The following CNTNAP2 variants were observed in gnomAD, a reference collection of about 807,000 sequenced individuals.
CNTNAP2 encodes contactin-associated protein-like 2.
A neutral mutation model predicts 155.2 loss-of-function variants in CNTNAP2; 98 were observed. The observed-to-expected ratio is 0.63, with a 90% CI of 0.54 to 0.75. The LOEUF (loss-of-function observed/expected upper bound fraction) is 0.75. CNTNAP2 is among the 30% of genes least tolerant of loss of function. The probability of loss-of-function intolerance (pLI) is 0.00; values close to 1 mark genes in which losing one functional copy is unlikely to be tolerated. For missense variants in CNTNAP2, 1,727 were observed against 1,688.1 expected (o/e 1.02, Z -0.40); for synonymous variants, 651 against 631.2 (o/e 1.03, Z -0.47).
chr7:148,293,391 C>T (rs1027366122), intron 21 of CNTNAP2, among the ~76,000 whole-genome samples: 30 of 152,198 alleles, frequency 2.0e-4, no homozygotes, highest in African/African-American at 6.5e-4. Flanking sequence ...GGCTTGTTTT[C>T]GGATTAATGG....
intron 8 of CNTNAP2, among the ~76,000 whole-genome samples, chr7:147,165,956 T>C (rs1433987274): frequency 6.6e-6 from 1 of 152,178 alleles, no homozygotes; most frequent in Non-Finnish European, 1.5e-5. Context: ...ACAACCACTA[T>C]GGAAAACAGT....
chr7:148,061,337 T>G (rs79405806), intron 15 of CNTNAP2, among the ~76,000 whole-genome samples: 6,138 of 152,198 alleles, frequency 0.04, 156 homozygotes, highest in Non-Finnish European at 0.056. Context: ...AATTCCAAAG[T>G]GCCCACTTTT....
chr7:146,675,592 C>A (rs1800384687), intron 1 of CNTNAP2, among the ~76,000 whole-genome samples: 2 of 152,130 alleles, frequency 1.3e-5, no homozygotes, highest in South Asian at 4.1e-4. Flanking sequence ...TAAGTGAATG[C>A]CATGTAGTAC....
intron 1 of CNTNAP2, among the ~76,000 whole-genome samples, chr7:146,729,227 G>C (rs1801483543): frequency 6.6e-6 from 1 of 152,118 alleles, no homozygotes; most frequent in East Asian, 1.9e-4. Flanking sequence ...CCAGGGAGTA[G>C]CTTAAAACAG....
intron 1 of CNTNAP2, among the ~76,000 whole-genome samples, chr7:146,437,195 A>G (rs1272374113): frequency 6.6e-6 from 1 of 151,412 alleles, no homozygotes; most frequent in Non-Finnish European, 1.5e-5. Context: ...CTAATGCCTG[A>G]TGATCTTGGG....
At chr7:147,632,297 C>T (rs28832091) in intron 12 of CNTNAP2, among the ~76,000 whole-genome samples, 4,183 of 152,104 alleles carry the variant, frequency 0.028, 191 homozygotes, top group African/African-American at 0.095. Flanking sequence ...TATGGTGGTT[C>T]GGTTGTGTCC....
chr7:146,249,894 A>G (rs1441875617), intron 1 of CNTNAP2, among the ~76,000 whole-genome samples: 1 of 152,038 alleles, frequency 6.6e-6, no homozygotes. Flanking sequence ...TGAAAAAAAG[A>G]AAAAAAGAAA....
intron 21 of CNTNAP2, among the ~76,000 whole-genome samples, chr7:148,274,189 C>G (rs916583528): frequency 2.0e-5 from 3 of 151,964 alleles, no homozygotes; most frequent in Non-Finnish European, 4.4e-5. Flanking sequence ...AGCCTGGGTC[C>G]CTCTGTGACT....
Position 147,638,060 on chromosome 7 carries a change from A to AT in CNTNAP2, c.1898-1041dup, listed in dbSNP as rs1795210276. Among the ~76,000 whole-genome samples the AT allele has an allele frequency of 2.6e-5, 4 of 152,320 alleles. No homozygotes were observed. The Middle Eastern group carries it at 0.01, about 389-fold the overall frequency. ...TACCTAGCATCTTCCAAAATTAAAC[A>AT]TTTTTAACAATTTTAATAAAATTAA... On this transcript the variant is annotated intron_variant, in intron 12 of 23. Coordinates refer to ENST00000361727, the MANE Select transcript of CNTNAP2 (RefSeq NM_014141.6).
intron 8 of CNTNAP2, among the ~76,000 whole-genome samples, chr7:147,245,380 T>C (rs1299173969): frequency 6.6e-6 from 1 of 152,050 alleles, no homozygotes; most frequent in Admixed American, 6.6e-5. Flanking sequence ...CTCTGTGGGG[T>C]AGCAAATAAG....
intron 3 of CNTNAP2, among the ~76,000 whole-genome samples, chr7:146,861,304 C>T (rs534416272): frequency 5.9e-5 from 9 of 152,158 alleles, no homozygotes; most frequent in Admixed American, 2.6e-4. Context: ...CCACCTGCCT[C>T]GGCCTCCCAA....
chr7:146,378,248 G>A (rs1320746561), intron 1 of CNTNAP2, among the ~76,000 whole-genome samples: 1 of 152,154 alleles, frequency 6.6e-6, no homozygotes, highest in East Asian at 1.9e-4. Flanking sequence ...TTGGTTGTGA[G>A]ATTACAAATG....
intron 12 of CNTNAP2, among the ~76,000 whole-genome samples, chr7:147,620,949 G>T (rs1183896244): frequency 6.6e-6 from 1 of 152,048 alleles, no homozygotes; most frequent in Non-Finnish European, 1.5e-5. Context: ...AACTCCAAAA[G>T]GTCAAGGATA....
chr7:148,323,736 C>A (rs1797840522), intron 21 of CNTNAP2, among the ~76,000 whole-genome samples: 1 of 152,090 alleles, frequency 6.6e-6, no homozygotes, highest in African/African-American at 2.4e-5. Flanking sequence ...ATTTGTGGGT[C>A]AGAAATTAGA....
chr7:147,977,784 C>A, intron 14 of CNTNAP2, 78 bp from the exon 15 acceptor site: 1 of 1,582,912 alleles, frequency 6.3e-7, no homozygotes, highest in Non-Finnish European at 8.7e-7. Flanking sequence ...CATCATTAGA[C>A]AACGTAAGCA....
rs191013221 is a variant in CNTNAP2, at chr7:146,482,171, A to G, written c.98-292100A>G. Among the ~76,000 whole-genome samples, 828 of 151,030 alleles carry G rather than the reference A, an allele frequency of 5.5e-3. 5 individuals are homozygous for G. The Middle Eastern group carries it at 0.061, about 11-fold the overall frequency. ...TCATAAAAATTGACAAGCTGAATCT[A>G]AGACCTAAATGGAAGAGCCAGAGGC... is the stretch of plus-strand genomic sequence containing the variant. On this transcript the variant is annotated intron_variant, in intron 1 of 23. Coordinates refer to ENST00000361727, the MANE Select transcript of CNTNAP2 (RefSeq NM_014141.6).
chr7:146,954,705 G>C (rs532043927), intron 3 of CNTNAP2, among the ~76,000 whole-genome samples: 1 of 150,470 alleles, frequency 6.6e-6, no homozygotes, highest in Non-Finnish European at 1.5e-5. Context: ...GTGTTTTATT[G>C]CTCACAAGAA....
At chr7:147,992,836 G>A (rs1178218194) in intron 15 of CNTNAP2, among the ~76,000 whole-genome samples, 1 of 152,202 alleles carries the variant, frequency 6.6e-6, no homozygotes, top group East Asian at 1.9e-4. Flanking sequence ...AGACAATGAA[G>A]TGGCTCAATA....
At chr7:146,998,638 C>G (rs540746370) in intron 3 of CNTNAP2, among the ~76,000 whole-genome samples, 1 of 151,896 alleles carries the variant, frequency 6.6e-6, no homozygotes, top group East Asian at 1.9e-4. Context: ...GTGATGAAGT[C>G]GCTTACTCTT....
Sources: gnomAD v4.1 joint callset for allele counts (sites outside exome capture counted in the v4.1 genomes callset) on GRCh38, gnomAD v4.1.1 for gene constraint, MANE v1.5 for transcripts, NCBI Gene and HGNC (gene_info 2026-07-23, HGNC 2026-07-21) for gene names.